Variants in NSG2 observed in about 807,000 individuals in gnomAD.
NSG2 encodes neuronal vesicle trafficking associated 2.
NSG2 carries 4 observed loss-of-function variants against 16.9 expected under a neutral mutation model. That is an observed-to-expected ratio of 0.24 (90% CI 0.12 to 0.54). The LOEUF (loss-of-function observed/expected upper bound fraction) is 0.54, where lower values mean the gene tolerates loss of function less well. Among genes scored for constraint, NSG2 ranks in the 20% least tolerant of loss-of-function variants. The pLI is 0.95. For missense variants in NSG2, 179 were observed against 221.1 expected (o/e 0.81, Z 1.21); for synonymous variants, 98 against 88.7 (o/e 1.11, Z -0.59).
intron 2 of NSG2, among the ~76,000 whole-genome samples, chr5:174,059,287 C>T (rs917943806): frequency 2.6e-5 from 4 of 152,102 alleles, no homozygotes; most frequent in East Asian, 1.9e-4. Flanking sequence ...TGTAGTATAG[C>T]GGTGAGGCAT....
chr5:174,047,941 G>A (rs1759827848), intron 2 of NSG2, among the ~76,000 whole-genome samples: 1 of 152,188 alleles, frequency 6.6e-6, no homozygotes, highest in African/African-American at 2.4e-5. Flanking sequence ...TCTGCAGGAG[G>A]GCATTGTGTG....
chr5:174,045,792 C>T lies in NSG2; in HGVS notation c.-74C>T, dbSNP rs1269681591. 6.6e-6 allele frequency: 1 copy of T among 152,428 alleles called. No homozygotes were observed. The highest frequency in any genetic ancestry group is 6.5e-5 in the Admixed American group (1 of 15,288). 9.4% of individuals were successfully genotyped at this position (152,428 alleles called of 1,614,324 possible). ...GGAGGGAGGACTCCTGGCCGTCCTC[C>T]TCCTCTTCAAATTGGCTTGAATCTG... On this transcript the variant is annotated 5_prime_UTR_variant, in exon 1 of 5. Coordinates refer to ENST00000303177, the MANE Select transcript of NSG2 (RefSeq NM_015980.5).
chr5:174,084,398 C>T (rs1760558547), intron 3 of NSG2, among the ~76,000 whole-genome samples: 1 of 152,156 alleles, frequency 6.6e-6, no homozygotes, highest in Admixed American at 6.5e-5. Flanking sequence ...AAGTCCTGGC[C>T]AGATGCAGGG....
At chr5:174,090,953 A>T (rs1422576191) in intron 3 of NSG2, among the ~76,000 whole-genome samples, 1 of 151,948 alleles carries the variant, frequency 6.6e-6, no homozygotes, top group Non-Finnish European at 1.5e-5. Flanking sequence ...AGTGCCACAC[A>T]TTGAAATTTG....
rs57962034 is a variant in NSG2, at chr5:174,072,933, C to T, written c.213+8618C>T. 0.16 allele frequency among the ~76,000 whole-genome samples: 23,933 copies of T among 152,066 alleles called. 2,469 individuals are homozygous for T. Among genetic ancestry groups the T allele is most frequent in the African/African-American group, 0.29 (11,857 of 41,444 alleles). On this transcript the variant is annotated intron_variant, in intron 3 of 4. Coordinates refer to ENST00000303177, the MANE Select transcript of NSG2 (RefSeq NM_015980.5). This position sits in a 1 kb window ranked among gnomAD's most constrained non-coding sequence, Gnocchi z 4.0. ...CTGGGAGGTTGAGGCTGCAGTGAGC[C>T]GGATTGTGCCACTGCACTCCAACCT...
chr5:174,074,634 T>C (rs760329005), intron 3 of NSG2, among the ~76,000 whole-genome samples: 10 of 152,096 alleles, frequency 6.6e-5, no homozygotes, highest in Non-Finnish European at 1.0e-4. Context: ...GTGATGTCCT[T>C]AGTACGGCAC....
intron 3 of NSG2, among the ~76,000 whole-genome samples, chr5:174,101,480 C>T (rs375497022): frequency 2.0e-5 from 3 of 152,304 alleles, no homozygotes; most frequent in Non-Finnish European, 2.9e-5. Flanking sequence ...CTAGTCCTAG[C>T]GGGCTCCAGT....
intron 2 of NSG2, among the ~76,000 whole-genome samples, chr5:174,049,035 C>A (rs1335563385): frequency 6.6e-6 from 1 of 151,846 alleles, no homozygotes; most frequent in Non-Finnish European, 1.5e-5. Flanking sequence ...ACGTAAAGTG[C>A]CTGGTAAAAA....
intron 3 of NSG2, chr5:174,081,728 A>C (rs577028658): frequency 4.6e-5 from 7 of 152,126 alleles, no homozygotes; most frequent in African/African-American, 1.7e-4. Context: ...ATCTCTACTA[A>C]AAATACAAAA....
rs76104596 is a variant in NSG2 at position 174,067,461 on chromosome 5, G to A, written c.213+3146G>A. On this transcript the variant is annotated intron_variant, in intron 3 of 4. Coordinates refer to ENST00000303177, the MANE Select transcript of NSG2 (RefSeq NM_015980.5). ...GGGCCTGTAGAAGTTCTCCACCCCC[G>A]CGCAGTTTGACTCAATTAGTCTTGG... Among the ~76,000 whole-genome samples, 1,454 of 152,290 alleles carry A rather than the reference G, an allele frequency of 9.5e-3. 16 individuals carry two copies. The highest frequency in any genetic ancestry group is 0.033 in the African/African-American group (1,373 of 41,576).
At chr5:174,085,636 C>T (rs1202426376) in intron 3 of NSG2, among the ~76,000 whole-genome samples, 1 of 152,182 alleles carries the variant, frequency 6.6e-6, no homozygotes, top group Admixed American at 6.5e-5. Flanking sequence ...CAAGACTGTG[C>T]GATGACATCT....
At chr5:174,102,941 C>CTTTTTTTTT (rs143473714) in intron 3 of NSG2, among the ~76,000 whole-genome samples, 51 of 111,702 alleles carry the variant, frequency 4.6e-4, no homozygotes, top group African/African-American at 7.6e-4. Flanking sequence ...ACCACCCTGG[C>CTTTTTTTTT]TTTTTTTTTT....
intron 2 of NSG2, among the ~76,000 whole-genome samples, chr5:174,061,865 A>G (rs1407427916): frequency 6.6e-6 from 1 of 150,518 alleles, no homozygotes; most frequent in Non-Finnish European, 1.5e-5. Context: ...AGCCTCCCAA[A>G]GGGCTGGGAT....
At chr5:174,096,425 A>T (rs1160743904) in intron 3 of NSG2, among the ~76,000 whole-genome samples, 2 of 152,106 alleles carry the variant, frequency 1.3e-5, no homozygotes, top group African/African-American at 4.8e-5. Flanking sequence ...AGCAGCTGCA[A>T]GATCATGGGG....
intron 3 of NSG2, among the ~76,000 whole-genome samples, chr5:174,083,848 C>T (rs1382519413): frequency 1.3e-5 from 2 of 152,152 alleles, no homozygotes; most frequent in Non-Finnish European, 2.9e-5. Context: ...CATAAGTGCC[C>T]TGTGATGGGG....
intron 3 of NSG2, chr5:174,066,427 T>C (rs1437766590): frequency 9.9e-5 from 34 of 342,608 alleles, no homozygotes; most frequent in Non-Finnish European, 1.7e-4. Flanking sequence ...GCTGCAGTAC[T>C]ATCTATAAAA....
At chr5:174,071,160 T>G (rs975781810) in intron 3 of NSG2, among the ~76,000 whole-genome samples, 2 of 152,146 alleles carry the variant, frequency 1.3e-5, no homozygotes, top group African/African-American at 4.8e-5. Flanking sequence ...ATTCTCTCAT[T>G]AAAATGAGGT....
chr5:174,106,472 C>T (rs950246541), intron 4 of NSG2, among the ~76,000 whole-genome samples: 1 of 151,956 alleles, frequency 6.6e-6, no homozygotes, highest in Non-Finnish European at 1.5e-5. Context: ...TCCGGTAGTC[C>T]CCAGGTTCAT....
chr5:174,046,967 A>C, intron 2 of NSG2, 83 bp downstream of exon 2: 10 of 1,405,318 alleles, frequency 7.1e-6, no homozygotes, highest in African/African-American at 1.4e-5. Flanking sequence ...CCACCCCCCA[A>C]ATCCTTTCAT....
Sources: allele counts gnomAD v4.1 joint callset (sites outside exome capture counted in the v4.1 genomes callset), GRCh38; gene constraint gnomAD v4.1.1; non-coding constraint Gnocchi (gnomAD v3.1); transcripts MANE v1.5; gene names NCBI Gene and HGNC (gene_info 2026-07-23, HGNC 2026-07-21).